Variants in GRM1 observed in about 807,000 individuals in gnomAD.
The protein encoded by GRM1 is metabotropic glutamate receptor 1.
Under a neutral mutation model 90.9 loss-of-function variants are expected in GRM1, and 33 were observed. The ratio of observed to expected loss-of-function variants is 0.36; its 90% confidence interval spans 0.28 to 0.49. The LOEUF is 0.49. GRM1 is among the 20% of genes least tolerant of loss of function. GRM1 has a pLI of 0.99. For missense variants in GRM1, 1,190 were observed against 1,534.3 expected (o/e 0.78, Z 3.75); for synonymous variants, 700 against 613.2 (o/e 1.14, Z -2.09).
intron 2 of GRM1, among the ~76,000 whole-genome samples, chr6:146,295,585 C>T (rs565210264): frequency 1.3e-5 from 2 of 152,166 alleles, no homozygotes; most frequent in African/African-American, 4.8e-5. Context: ...TTTCTCAAAG[C>T]GTAATGCTAG....
chr6:146,335,917 A>T (rs1308702289), intron 3 of GRM1, among the ~76,000 whole-genome samples: 1 of 152,146 alleles, frequency 6.6e-6, no homozygotes, highest in African/African-American at 2.4e-5. Flanking sequence ...GATAGTGAAC[A>T]AGCCTCAAGA....
chr6:146,322,424 G>A (rs1162075975), intron 3 of GRM1, among the ~76,000 whole-genome samples: 1 of 152,100 alleles, frequency 6.6e-6, no homozygotes, highest in Non-Finnish European at 1.5e-5. Context: ...CCAGTGCTGT[G>A]CTGGGAGACC....
At chr6:146,349,042 A>AGCT (rs1226276868) in intron 3 of GRM1, among the ~76,000 whole-genome samples, 7 of 111,316 alleles carry the variant, frequency 6.3e-5, no homozygotes, top group Non-Finnish European at 1.1e-4. Context: ...AAGAAGTGGT[A>AGCT]GCTATTATTA....
chr6:146,062,016 A>C (rs1273409243), intron 1 of GRM1, among the ~76,000 whole-genome samples: 1 of 152,178 alleles, frequency 6.6e-6, no homozygotes, highest in African/African-American at 2.4e-5. Flanking sequence ...AAGGATTATA[A>C]GTCATTTTAC....
In GRM1 at chr6:146,283,237, T is replaced by C. The variant is rs543626366; in HGVS notation, c.951-21374T>C. 9.2e-5 allele frequency among the ~76,000 whole-genome samples: 14 copies of C among 152,320 alleles called. No homozygotes were observed. In the South Asian group the frequency reaches 2.7e-3, roughly 29 times the overall value. ...CAGATGTGTGAATGAGCATAAATGA[T>C]TGTAGTTTTAAACTGCCAATTTTTG... On this transcript the variant is annotated intron_variant, in intron 2 of 7. Transcript: ENST00000282753.
intron 2 of GRM1, among the ~76,000 whole-genome samples, chr6:146,302,227 C>A (rs1169343566): frequency 6.6e-6 from 1 of 151,246 alleles, no homozygotes; most frequent in African/African-American, 2.4e-5. Flanking sequence ...TCAGCCATCA[C>A]CTTCTTAAAG....
intron 1 of GRM1, among the ~76,000 whole-genome samples, chr6:146,074,760 TAG>T (rs1274385746): frequency 6.6e-6 from 1 of 152,204 alleles, no homozygotes; most frequent in Non-Finnish European, 1.5e-5. Context: ...TATTGAATAC[TAG>T]AGAGTCATAA....
At chr6:146,084,067 G>A (rs969194369) in intron 1 of GRM1, among the ~76,000 whole-genome samples, 59 of 151,982 alleles carry the variant, frequency 3.9e-4, no homozygotes, top group Admixed American at 3.5e-3. Context: ...TTTCTGTGGG[G>A]TCAGTGGTGA....
intron 3 of GRM1, among the ~76,000 whole-genome samples, chr6:146,317,183 A>G (rs1784005885): frequency 6.6e-6 from 1 of 152,208 alleles, no homozygotes; most frequent in South Asian, 2.1e-4. Flanking sequence ...ATGAGTCTTG[A>G]TATGGTTCTT....
At chr6:146,300,474 A>T (rs2114913656) in intron 2 of GRM1, among the ~76,000 whole-genome samples, 1 of 152,334 alleles carries the variant, frequency 6.6e-6, no homozygotes. Context: ...TTATAGGTTG[A>T]TTGGAAAATA....
At chr6:146,370,086 G>T (rs1391854280) in intron 5 of GRM1, among the ~76,000 whole-genome samples, 1 of 151,972 alleles carries the variant, frequency 6.6e-6, no homozygotes, top group African/African-American at 2.4e-5. Flanking sequence ...AGCCTGCTTT[G>T]TCTCTCTTTA....
At chr6:146,302,277 C>T (rs1783415582) in intron 2 of GRM1, among the ~76,000 whole-genome samples, 1 of 150,538 alleles carries the variant, frequency 6.6e-6, no homozygotes, top group Admixed American at 6.7e-5. Flanking sequence ...CTACCTCACA[C>T]ACACAGGCGT....
intron 2 of GRM1, among the ~76,000 whole-genome samples, chr6:146,241,688 T>C (rs560500287): frequency 3.1e-4 from 47 of 152,296 alleles, no homozygotes; most frequent in African/African-American, 1.1e-3. Flanking sequence ...AGCCTTGTTC[T>C]GAATAATTTA....
chr6:146,087,781 C>CA (rs1434669024), intron 1 of GRM1, among the ~76,000 whole-genome samples: 1 of 152,086 alleles, frequency 6.6e-6, no homozygotes, highest in Admixed American at 6.6e-5. Context: ...AAGTTCATTC[C>CA]TTTTTTTGGT....
At chr6:146,161,582 G>C (rs1181927600) in intron 2 of GRM1, among the ~76,000 whole-genome samples, 3 of 152,006 alleles carry the variant, frequency 2.0e-5, no homozygotes, top group African/African-American at 7.2e-5. Context: ...CCACATATCC[G>C]AGGGAGCTAT....
At chr6:146,389,880 T>C (rs1297725718) in intron 6 of GRM1, among the ~76,000 whole-genome samples, 2 of 152,032 alleles carry the variant, frequency 1.3e-5, no homozygotes, top group Admixed American at 6.6e-5. Context: ...TTACAGGAAA[T>C]CCCATTTACC....
At chr6:146,361,706 G>A (rs1775481976) in intron 5 of GRM1, among the ~76,000 whole-genome samples, 2 of 152,142 alleles carry the variant, frequency 1.3e-5, no homozygotes, top group South Asian at 4.1e-4. Flanking sequence ...GACCCAGAGG[G>A]ATTGAGTCAC....
chr6:146,301,694 A>T (rs900228854), intron 2 of GRM1, among the ~76,000 whole-genome samples: 2 of 152,146 alleles, frequency 1.3e-5, no homozygotes, highest in African/African-American at 4.8e-5. Context: ...TCAAAGCCTA[A>T]CTGGTCTTAT....
Position 146,119,011 on chromosome 6 carries a change from G to A in GRM1, c.701-40337G>A, listed in dbSNP as rs140381849. The stretch of plus-strand genomic sequence containing the variant: ...TCTAGTTCTAGATCCTTGAGGAATT[G>A]CCACACTGACTTCCACAATGGTTGA... On this transcript the variant is annotated intron_variant, in intron 1 of 7. Coordinates refer to ENST00000282753, the MANE Select transcript of GRM1 (RefSeq NM_001278064.2). Among the ~76,000 whole-genome samples, 145 of 152,298 alleles carry A rather than the reference G, an allele frequency of 9.5e-4. 1 individual carries two copies. Among genetic ancestry groups the A allele is most frequent in the African/African-American group, 3.3e-3 (139 of 41,572 alleles).
Sources: allele counts gnomAD v4.1 joint callset (sites outside exome capture counted in the v4.1 genomes callset), GRCh38; gene constraint gnomAD v4.1.1; transcripts MANE v1.5; gene names NCBI Gene and HGNC (gene_info 2026-07-23, HGNC 2026-07-21).